The following AUTS2 variants were observed in gnomAD, a reference collection of about 807,000 sequenced individuals.
The protein encoded by AUTS2 is autism susceptibility gene 2 protein.
A neutral mutation model predicts 112.4 loss-of-function variants in AUTS2; 17 were observed. That is an observed-to-expected ratio of 0.15 (90% CI 0.10 to 0.23). AUTS2 has a LOEUF of 0.23. Among genes scored for constraint, AUTS2 ranks in the 10% least tolerant of loss-of-function variants. The pLI is 1.00. For synonymous variants in AUTS2, 751 were observed against 702.7 expected (o/e 1.07, Z -1.09); for missense variants, 1,510 against 1,701.6 (o/e 0.89, Z 1.98).
At chr7:69,999,360 T>C (rs1336717725) in intron 2 of AUTS2, among the ~76,000 whole-genome samples, 1 of 152,218 alleles carries the variant, frequency 6.6e-6, no homozygotes, top group East Asian at 1.9e-4. Context: ...CATCTGGTCC[T>C]GCTTCTGTTT....
chr7:70,206,188 G>C (rs1354777267), intron 4 of AUTS2, among the ~76,000 whole-genome samples: 1 of 152,068 alleles, frequency 6.6e-6, no homozygotes, highest in East Asian at 1.9e-4. Flanking sequence ...TGTTAAGTCT[G>C]TTTTTTCATC....
chr7:70,627,648 T>C (rs1489476309), intron 5 of AUTS2, among the ~76,000 whole-genome samples: 2 of 152,222 alleles, frequency 1.3e-5, no homozygotes, highest in Non-Finnish European at 2.9e-5. Context: ...AATTTTACAG[T>C]GTAGGGCTGG....
intron 4 of AUTS2, among the ~76,000 whole-genome samples, chr7:70,172,077 A>G (rs1396586038): frequency 6.6e-6 from 1 of 152,100 alleles, no homozygotes; most frequent in Non-Finnish European, 1.5e-5. Context: ...CTCCTCACCA[A>G]GCTTCCCTCA....
chr7:70,752,197 C>G (rs1271935519), intron 6 of AUTS2, among the ~76,000 whole-genome samples: 1 of 152,028 alleles, frequency 6.6e-6, no homozygotes, highest in Non-Finnish European at 1.5e-5. Flanking sequence ...GGAAAGCAAG[C>G]AGGAGATGAT....
chr7:70,732,766 C>T (rs765011027), intron 6 of AUTS2, among the ~76,000 whole-genome samples: 14 of 152,162 alleles, frequency 9.2e-5, no homozygotes, highest in Non-Finnish European at 1.8e-4. Context: ...AAGAAAAAAG[C>T]GTGTATTACT....
rs1017849478 is a variant in AUTS2 at position 70,435,978 on chromosome 7, A to G, written c.690+197A>G. ...AATTTGTCAGATCTACCTTTTTTTC[A>G]TTTAAACAAGACCTTTAATATTGCA... is the stretch of plus-strand genomic sequence containing the variant. On this transcript the variant is annotated intron_variant, in intron 5 of 18. Coordinates refer to ENST00000342771, the MANE Select transcript of AUTS2 (RefSeq NM_015570.4). 157 of 525,538 alleles carry G rather than the reference A, an allele frequency of 3.0e-4. 1 individual carries two copies. The highest frequency in any genetic ancestry group is 4.8e-4 in the Non-Finnish European group (143 of 298,516). 32.6% of individuals were successfully genotyped at this position (525,538 alleles called of 1,614,324 possible). A position where few individuals can be genotyped will look rare whatever the true frequency, so the allele number is the denominator to read the frequency against.
At chr7:69,891,712 T>C (rs1794526934) in intron 1 of AUTS2, among the ~76,000 whole-genome samples, 1 of 149,336 alleles carries the variant, frequency 6.7e-6, no homozygotes, top group African/African-American at 2.4e-5. Flanking sequence ...AAGTTGTATT[T>C]CCCTAATGAC....
intron 4 of AUTS2, among the ~76,000 whole-genome samples, chr7:70,277,418 A>T (rs1357930434): frequency 6.6e-6 from 1 of 152,204 alleles, no homozygotes; most frequent in Non-Finnish European, 1.5e-5. Flanking sequence ...TTTAAAGAGG[A>T]TCACAAATGA....
At chr7:70,721,664 GC>G (rs944592115) in intron 6 of AUTS2, among the ~76,000 whole-genome samples, 18 of 152,254 alleles carry the variant, frequency 1.2e-4, no homozygotes, top group African/African-American at 3.6e-4. Flanking sequence ...TTCATGACCT[GC>G]TACTGGGCTA....
At chr7:69,601,123 C>G (rs1246490983) in intron 1 of AUTS2, among the ~76,000 whole-genome samples, 1 of 151,996 alleles carries the variant, frequency 6.6e-6, no homozygotes. Flanking sequence ...CCCCACCTCC[C>G]TGTCCCCACC....
chr7:69,750,961 G>A (rs954812492), intron 1 of AUTS2, among the ~76,000 whole-genome samples: 2 of 152,000 alleles, frequency 1.3e-5, no homozygotes. Flanking sequence ...AAGAAAAGGA[G>A]AAGGGCATTG....
chr7:69,707,711 C>T (rs1798131036), intron 1 of AUTS2, among the ~76,000 whole-genome samples: 1 of 152,192 alleles, frequency 6.6e-6, no homozygotes, highest in Non-Finnish European at 1.5e-5. Context: ...ATATATGAAT[C>T]TGGTTTTGAC....
rs73702909 is a variant in AUTS2 at position 69,692,407 on chromosome 7, C to G, written c.309+92445C>G. ...ATATGAAATGTTTTCCAGTGTTGCT[C>G]TGGTACTTACGTGTGTGATGATTTT... is the stretch of plus-strand genomic sequence containing the variant. On this transcript the variant is annotated intron_variant, in intron 1 of 18. Transcript: ENST00000342771. Among the ~76,000 whole-genome samples, 556 of 152,288 alleles carry G rather than the reference C, an allele frequency of 3.7e-3. 6 individuals are homozygous for G. The highest frequency in any genetic ancestry group is 0.012 in the African/African-American group (517 of 41,548).
intron 5 of AUTS2, among the ~76,000 whole-genome samples, chr7:70,691,420 GAA>G (rs5884795): frequency 0.56 from 83,258 of 148,018 alleles, 23,172 homozygotes; most frequent in East Asian, 0.63. Flanking sequence ...ATTTCTCAAG[GAA>G]AAAAAAAAAA....
chr7:69,729,684 A>C (rs1012752114), intron 1 of AUTS2, among the ~76,000 whole-genome samples: 3 of 151,918 alleles, frequency 2.0e-5, no homozygotes, highest in African/African-American at 7.3e-5. Flanking sequence ...AATCCCTCTT[A>C]ATTTCTTCAG....
chr7:70,738,938 A>G (rs1177539230), intron 6 of AUTS2, among the ~76,000 whole-genome samples: 2 of 148,446 alleles, frequency 1.3e-5, no homozygotes, highest in African/African-American at 2.5e-5. Context: ...TGTAGACAAC[A>G]CATCTACTCA....
intron 2 of AUTS2, among the ~76,000 whole-genome samples, chr7:70,113,501 G>A (rs1281087770): frequency 6.6e-6 from 1 of 152,042 alleles, no homozygotes; most frequent in Non-Finnish European, 1.5e-5. Flanking sequence ...AAATTTTCTT[G>A]AAAAAGGAGA....
chr7:70,306,229 C>T (rs1284910637), intron 4 of AUTS2, among the ~76,000 whole-genome samples: 2 of 152,094 alleles, frequency 1.3e-5, no homozygotes, highest in South Asian at 4.1e-4. Context: ...GGGAGCTGCC[C>T]GGGTCTGATT....
chr7:70,234,900 G>A (rs1271703140), intron 4 of AUTS2, among the ~76,000 whole-genome samples: 2 of 152,142 alleles, frequency 1.3e-5, no homozygotes, highest in African/African-American at 2.4e-5. Flanking sequence ...GGCAGGGCAG[G>A]TAATGTCCTT....
Sources: gnomAD v4.1 joint callset for allele counts (sites outside exome capture counted in the v4.1 genomes callset) on GRCh38, gnomAD v4.1.1 for gene constraint, MANE v1.5 for transcripts, NCBI Gene and HGNC (gene_info 2026-07-23, HGNC 2026-07-21) for gene names.